The following WWOX variants were observed in gnomAD, a reference collection of about 807,000 sequenced individuals.
WWOX encodes WW domain containing oxidoreductase.
A neutral mutation model predicts 46.2 loss-of-function variants in WWOX; 69 were observed. The observed-to-expected ratio is 1.49, with a 90% CI of 1.23 to 1.82. WWOX has a LOEUF of 1.82. Ranked by LOEUF, WWOX falls within the 40% of genes most tolerant of loss-of-function variation. The pLI, the probability that WWOX is intolerant of heterozygous loss-of-function variation, is 0.00. For missense variants in WWOX, 919 were observed against 542.6 expected (o/e 1.69, Z -6.89); for synonymous variants, 359 against 202.6 (o/e 1.77, Z -6.56).
intron 8 of WWOX, among the ~76,000 whole-genome samples, chr16:78,680,623 T>C (rs1055662674): frequency 2.6e-5 from 4 of 152,180 alleles, no homozygotes; most frequent in African/African-American, 9.7e-5. Context: ...AAATTAAATT[T>C]TAAATAAAAT....
At chr16:78,432,458 T>A in intron 7 of WWOX, 30 bp from the exon 8 acceptor site, 1 of 1,612,384 alleles carries the variant, frequency 6.2e-7, no homozygotes, top group Non-Finnish European at 8.5e-7. Context: ...CAGAACTTGG[T>A]TGCTTCATGT....
At chr16:78,656,334 T>A (rs2047080041) in intron 8 of WWOX, among the ~76,000 whole-genome samples, 1 of 152,140 alleles carries the variant, frequency 6.6e-6, no homozygotes, top group Non-Finnish European at 1.5e-5. Context: ...CTGGTGCCTG[T>A]ATTAGTCTGT....
intron 8 of WWOX, among the ~76,000 whole-genome samples, chr16:78,600,912 C>T (rs966185580): frequency 1.4e-4 from 21 of 152,188 alleles, no homozygotes; most frequent in African/African-American, 4.6e-4. Context: ...GTGGCCATCT[C>T]AGTCTCTGCA....
At chr16:78,100,121 A>C in intron 1 of WWOX, 1 of 1,363,178 alleles carries the variant, frequency 7.3e-7, no homozygotes, top group Non-Finnish European at 9.5e-7. Flanking sequence ...TCTGCTGTTC[A>C]GGATGCAGCA....
At chr16:78,379,107 T>C (rs1256927245) in intron 5 of WWOX, among the ~76,000 whole-genome samples, 2 of 152,190 alleles carry the variant, frequency 1.3e-5, no homozygotes, top group African/African-American at 4.8e-5. Flanking sequence ...TTATAGATGC[T>C]TCAGAAGATA....
chr16:78,428,507 G>T (rs9930366), intron 7 of WWOX, among the ~76,000 whole-genome samples: 2 of 152,206 alleles, frequency 1.3e-5, no homozygotes, highest in Non-Finnish European at 2.9e-5. Flanking sequence ...TGCCTGATAC[G>T]TAGCAGCTGG....
chr16:78,411,215 T>C (rs557882729), intron 6 of WWOX, among the ~76,000 whole-genome samples: 35 of 152,176 alleles, frequency 2.3e-4, no homozygotes, highest in Non-Finnish European at 3.8e-4. Context: ...GCAGGGAGCA[T>C]TGGGAGTCAT....
At chr16:78,782,290 G>T (rs972544309) in intron 8 of WWOX, among the ~76,000 whole-genome samples, 2 of 152,058 alleles carry the variant, frequency 1.3e-5, no homozygotes, top group African/African-American at 4.8e-5. Context: ...TCAGCTGCAC[G>T]AGCTTTTTCA....
intron 8 of WWOX, among the ~76,000 whole-genome samples, chr16:79,141,089 C>G (rs946908605): frequency 6.6e-6 from 1 of 152,208 alleles, no homozygotes; most frequent in African/African-American, 2.4e-5. Flanking sequence ...TAGGGCCAAC[C>G]TGCCTCCCAT....
At chr16:78,474,855 C>CT (rs1236629216) in intron 8 of WWOX, among the ~76,000 whole-genome samples, 1 of 152,144 alleles carries the variant, frequency 6.6e-6, no homozygotes, top group Non-Finnish European at 1.5e-5. Context: ...GTGAGTGGTC[C>CT]TTTCACTTTG....
chr16:78,602,620 A>G (rs2113286), intron 8 of WWOX, among the ~76,000 whole-genome samples: 114,513 of 152,160 alleles, frequency 0.75, 43,424 homozygotes, highest in Non-Finnish European at 0.8. Flanking sequence ...ACTGAAATCT[A>G]AAGTAGCCAT....
intron 5 of WWOX, among the ~76,000 whole-genome samples, chr16:78,180,553 T>G (rs2035498867): frequency 6.6e-6 from 1 of 150,952 alleles, no homozygotes; most frequent in Non-Finnish European, 1.5e-5. Flanking sequence ...GGCTAGTGGG[T>G]AAACCCAGCT....
intron 5 of WWOX, among the ~76,000 whole-genome samples, chr16:78,327,730 C>T (rs899891136): frequency 1.3e-5 from 2 of 152,082 alleles, no homozygotes; most frequent in African/African-American, 2.4e-5. Flanking sequence ...TAGTCTTCTC[C>T]TTCAGACCCC....
intron 8 of WWOX, among the ~76,000 whole-genome samples, chr16:78,474,782 C>G (rs1302179242): frequency 2.0e-5 from 3 of 152,184 alleles, no homozygotes; most frequent in Non-Finnish European, 4.4e-5. Flanking sequence ...TGCTCTTCAT[C>G]TCCATGCGTT....
chr16:78,551,298 C>T (rs1026327054), intron 8 of WWOX: 12 of 152,138 alleles, frequency 7.9e-5, no homozygotes, highest in African/African-American at 1.4e-4. Flanking sequence ...TTAGATATCT[C>T]GTCTTCCAAA....
chr16:78,107,684 T>C (rs974296230), intron 1 of WWOX, among the ~76,000 whole-genome samples: 3 of 152,078 alleles, frequency 2.0e-5, no homozygotes, highest in Non-Finnish European at 2.9e-5. Context: ...AGAATAAACA[T>C]TTTAGCTGGG....
chr16:78,750,544 C>A (rs2049451217), intron 8 of WWOX, among the ~76,000 whole-genome samples: 1 of 151,566 alleles, frequency 6.6e-6, no homozygotes, highest in African/African-American at 2.4e-5. Flanking sequence ...ACATGGATAT[C>A]TTGCAAGATA....
chr16:78,691,365 C>G (rs964017959), intron 8 of WWOX: 3 of 687,902 alleles, frequency 4.4e-6, no homozygotes, highest in Non-Finnish European at 7.9e-6. Flanking sequence ...ACAAAGGTGA[C>G]AGAAAGGAAA....
intron 8 of WWOX, among the ~76,000 whole-genome samples, chr16:79,189,675 T>C (rs1382804069): frequency 2.0e-5 from 3 of 152,034 alleles, no homozygotes; most frequent in Admixed American, 2.0e-4. Context: ...AGGTTATCTT[T>C]TGACAATAGA....
Sources: allele counts gnomAD v4.1 joint callset (sites outside exome capture counted in the v4.1 genomes callset), GRCh38; gene constraint gnomAD v4.1.1; transcripts MANE v1.5; gene names NCBI Gene and HGNC (gene_info 2026-07-23, HGNC 2026-07-21).